Variants in S100Z observed in about 807,000 individuals in gnomAD.
S100Z encodes protein S100-Z.
Under a neutral mutation model 8.5 loss-of-function variants are expected in S100Z, and 11 were observed. The observed-to-expected ratio is 1.30, with a 90% confidence interval of 0.82 to 2.15. The LOEUF (loss-of-function observed/expected upper bound fraction) is 2.15, where lower values mean the gene tolerates loss of function less well. Ranked by LOEUF, S100Z falls within the 30% of genes most tolerant of loss-of-function variation. The pLI, the probability that S100Z is intolerant of heterozygous loss-of-function variation, is 0.00. For synonymous variants in S100Z, 34 were observed against 43.8 expected, an observed-to-expected ratio of 0.78 and a Z score of 0.89; for missense variants, 126 against 117.9, an observed-to-expected ratio of 1.07 and a Z score of -0.32.
intron 4 of S100Z, among the ~76,000 whole-genome samples, chr5:76,892,368 A>G (rs1743892127): frequency 6.6e-6 from 1 of 152,166 alleles, no homozygotes; most frequent in Non-Finnish European, 1.5e-5. Flanking sequence ...GGGCACTTCC[A>G]CATGATTATA....
chr5:76,895,028 A>C (rs543259139), intron 4 of S100Z, among the ~76,000 whole-genome samples: 2 of 152,078 alleles, frequency 1.3e-5, no homozygotes, highest in African/African-American at 2.4e-5. Flanking sequence ...TACAAACCCT[A>C]TTCTTACAAA....
chr5:76,898,456 C>T (rs542002061), intron 4 of S100Z, among the ~76,000 whole-genome samples: 56 of 152,266 alleles, frequency 3.7e-4, no homozygotes, highest in African/African-American at 9.4e-4. Flanking sequence ...TCAGCCACTG[C>T]GCCAAGCCAA....
chr5:76,911,809 A>G (rs1397738782), intron 4 of S100Z, among the ~76,000 whole-genome samples: 1 of 152,318 alleles, frequency 6.6e-6, no homozygotes, highest in African/African-American at 2.4e-5. Flanking sequence ...TCAGCAAGGA[A>G]CAAATACAGC....
At chr5:76,918,130 C>A (rs1744911226) in intron 4 of S100Z, among the ~76,000 whole-genome samples, 1 of 152,118 alleles carries the variant, frequency 6.6e-6, no homozygotes, top group Non-Finnish European at 1.5e-5. Context: ...ACCTCCATAC[C>A]TCTATGCACG....
intron 3 of S100Z, among the ~76,000 whole-genome samples, chr5:76,877,266 T>C (rs1743222650): frequency 6.6e-6 from 1 of 152,232 alleles, no homozygotes; most frequent in Non-Finnish European, 1.5e-5. Flanking sequence ...AATAAAAGCA[T>C]TTAAAATGTT....
chr5:76,898,711 T>C (rs1744125448), intron 4 of S100Z, among the ~76,000 whole-genome samples: 1 of 152,178 alleles, frequency 6.6e-6, no homozygotes, highest in Admixed American at 6.5e-5. Flanking sequence ...CAGCATTTTG[T>C]TGAGGATTTT....
the S100Z span, among the ~76,000 whole-genome samples, chr5:76,935,891 C>G: frequency 2.5e-3 from 373 of 152,084 alleles, no homozygotes; most frequent in Non-Finnish European, 3.6e-3. Flanking sequence ...ATTTTCCTGC[C>G]TCAGCCTCCC....
intron 2 of S100Z, among the ~76,000 whole-genome samples, chr5:76,874,130 A>G (rs10462548): frequency 0.61 from 91,897 of 151,242 alleles, 28,037 homozygotes; most frequent in Admixed American, 0.64. Flanking sequence ...CACATGTATT[A>G]TTTCTTTTTT....
At chr5:76,880,312 C>T (rs1016560242) in intron 4 of S100Z, among the ~76,000 whole-genome samples, 2 of 152,162 alleles carry the variant, frequency 1.3e-5, no homozygotes, top group African/African-American at 2.4e-5. Context: ...GATGGCTTAG[C>T]TTGGGCTCAG....
At chr5:76,902,769 C>G (rs1212745892) in intron 4 of S100Z, among the ~76,000 whole-genome samples, 1 of 152,050 alleles carries the variant, frequency 6.6e-6, no homozygotes, top group African/African-American at 2.4e-5. Flanking sequence ...TAGATGCTCT[C>G]TTTCCACAGA....
At chr5:76,924,281 T>C (rs535537457), downstream of S100Z, among the ~76,000 whole-genome samples, 32 of 152,338 alleles carry the variant, frequency 2.1e-4, no homozygotes, top group Middle Eastern at 0.02. Flanking sequence ...TATATAAGCA[T>C]CTAGACCTCA....
chr5:76,854,372 T>C (rs1317298815), intron 1 of S100Z, among the ~76,000 whole-genome samples: 1 of 152,070 alleles, frequency 6.6e-6, no homozygotes, highest in Non-Finnish European at 1.5e-5. Flanking sequence ...CTGATAGTAA[T>C]ATGGACAGGG....
chr5:76,931,043 G>C, the S100Z span, among the ~76,000 whole-genome samples: 4 of 152,060 alleles, frequency 2.6e-5, no homozygotes, highest in African/African-American at 9.7e-5. Context: ...ATTCTTGCTG[G>C]CTTGTAGGTG....
chr5:76,863,205 C>G (rs1751117563), intron 1 of S100Z, among the ~76,000 whole-genome samples: 1 of 152,208 alleles, frequency 6.6e-6, no homozygotes, highest in Non-Finnish European at 1.5e-5. Flanking sequence ...ATAGTCAAGG[C>G]TCTCCTTGAA....
chr5:76,948,512 G>A, the S100Z span, among the ~76,000 whole-genome samples: 1 of 151,910 alleles, frequency 6.6e-6, no homozygotes, highest in African/African-American at 2.4e-5. Context: ...TTTAAAAATG[G>A]GCTAAGGACT....
At chr5:76,868,246 G>C (rs1056841837) in intron 1 of S100Z, among the ~76,000 whole-genome samples, 1 of 152,138 alleles carries the variant, frequency 6.6e-6, no homozygotes, top group African/African-American at 2.4e-5. Flanking sequence ...TGCATTCTGG[G>C]AATTAGAGGG....
chr5:76,907,715 T>G (rs1041982888), intron 4 of S100Z, among the ~76,000 whole-genome samples: 3 of 152,188 alleles, frequency 2.0e-5, no homozygotes, highest in African/African-American at 7.2e-5. Context: ...GATTGCTGCT[T>G]ATAGTGGTTG....
intron 2 of S100Z, among the ~76,000 whole-genome samples, chr5:76,872,742 C>A (rs947193227): frequency 6.6e-6 from 1 of 152,168 alleles, no homozygotes; most frequent in Non-Finnish European, 1.5e-5. Flanking sequence ...AGGCGGATTG[C>A]GTGAGCTCAG....
At chr5:76,914,550 A>C (rs1432882327) in intron 4 of S100Z, among the ~76,000 whole-genome samples, 1 of 152,040 alleles carries the variant, frequency 6.6e-6, no homozygotes, top group African/African-American at 2.4e-5. Flanking sequence ...CACTCTTCGC[A>C]ATAAATCTTG....
Sources: gnomAD v4.1 joint callset for allele counts (sites outside exome capture counted in the v4.1 genomes callset) on GRCh38, gnomAD v4.1.1 for gene constraint, MANE v1.5 for transcripts, NCBI Gene and HGNC (gene_info 2026-07-23, HGNC 2026-07-21) for gene names.